RPH3A: variants seen among roughly 807,000 people sequenced by gnomAD.
RPH3A encodes the protein rabphilin 3A, also known as rabphilin-3A.
Under a neutral mutation model 102.2 loss-of-function variants are expected in RPH3A, and 48 were observed. The observed-to-expected ratio is 0.47, with a 90% CI of 0.37 to 0.60. The LOEUF (loss-of-function observed/expected upper bound fraction) is 0.60. Among genes scored for constraint, RPH3A ranks in the 20% least tolerant of loss-of-function variants. The pLI is 0.00. For missense variants in RPH3A, 781 were observed against 910.1 expected (o/e 0.86, Z 1.83); for synonymous variants, 310 against 324.3 (o/e 0.96, Z 0.47).
intron 1 of RPH3A, among the ~76,000 whole-genome samples, chr12:112,722,426 G>A (rs1275666844): frequency 2.0e-5 from 3 of 152,202 alleles, no homozygotes; most frequent in Non-Finnish European, 4.4e-5. Context: ...GATTTCATCT[G>A]TACATTCTAA....
intron 5 of RPH3A, among the ~76,000 whole-genome samples, chr12:112,856,548 G>A (rs906887960): frequency 3.3e-5 from 5 of 151,870 alleles, no homozygotes; most frequent in Non-Finnish European, 5.9e-5. Context: ...CTCTACAGGC[G>A]TGCCTGTGGA....
chr12:112,760,234 G>A (rs1565872460), intron 1 of RPH3A, among the ~76,000 whole-genome samples: 3 of 152,184 alleles, frequency 2.0e-5, no homozygotes, highest in African/African-American at 7.2e-5. Flanking sequence ...TGGAGACCCA[G>A]ATTTAAATCC....
At chr12:112,805,044 CA>C (rs1301967563) in intron 2 of RPH3A, among the ~76,000 whole-genome samples, 1 of 152,026 alleles carries the variant, frequency 6.6e-6, no homozygotes, top group Non-Finnish European at 1.5e-5. Flanking sequence ...AACAAACAAA[CA>C]AACAAACCTC....
chr12:112,868,701 C>T (rs1024077460), intron 8 of RPH3A, 106 bp downstream of exon 8: 22 of 1,279,038 alleles, frequency 1.7e-5, no homozygotes, highest in Non-Finnish European at 2.2e-5. Context: ...CCAGTTGTTG[C>T]ATGGTCAGCT....
At chr12:112,830,455 A>G (rs757900797) in intron 3 of RPH3A, among the ~76,000 whole-genome samples, 1 of 152,224 alleles carries the variant, frequency 6.6e-6, no homozygotes, top group Non-Finnish European at 1.5e-5. Flanking sequence ...ACCAGATCTT[A>G]GGATATGCTC....
chr12:112,761,332 G>A (rs1045605651), intron 1 of RPH3A, among the ~76,000 whole-genome samples: 1 of 152,204 alleles, frequency 6.6e-6, no homozygotes, highest in Non-Finnish European at 1.5e-5. Context: ...TCACATGCAC[G>A]TGCATTCTAA....
In RPH3A at chr12:112,723,968, A is replaced by G. The variant is rs149794208; in HGVS notation, c.-139-68175A>G. Among the ~76,000 whole-genome samples the G allele has an allele frequency of 1.8e-4, 27 of 152,028 alleles. No homozygotes were observed. The East Asian group carries it at 5.0e-3, about 28-fold the overall frequency. On this transcript the variant is annotated intron_variant, in intron 1 of 21. Coordinates refer to the RPH3A transcript ENST00000543106. ...TGTGTAATGGATTTGTGTATATTTTATGGTAACAAATGATAAAATACTCAA... is the reference window on the plus strand; with the variant it reads ...TGTGTAATGGATTTGTGTATATTTTGTGGTAACAAATGATAAAATACTCAA...
intron 1 of RPH3A, among the ~76,000 whole-genome samples, chr12:112,750,610 G>A (rs886899851): frequency 6.6e-6 from 1 of 152,136 alleles, no homozygotes; most frequent in Non-Finnish European, 1.5e-5. Flanking sequence ...GCAATGGTAA[G>A]GCCCAAGAGA....
chr12:112,604,294 C>G (rs2039578547), intron 1 of RPH3A, among the ~76,000 whole-genome samples: 1 of 152,136 alleles, frequency 6.6e-6, no homozygotes, highest in Non-Finnish European at 1.5e-5. Flanking sequence ...GAATCACCCC[C>G]TACCCACCTT....
At chr12:112,858,422 C>T (rs958317677) in intron 5 of RPH3A, among the ~76,000 whole-genome samples, 3 of 152,040 alleles carry the variant, frequency 2.0e-5, no homozygotes, top group Non-Finnish European at 1.5e-5. Flanking sequence ...CCTGCCATCT[C>T]TCCAGCCTCA....
chr12:112,656,144 C>T (rs1404256321), intron 1 of RPH3A, among the ~76,000 whole-genome samples: 4 of 152,124 alleles, frequency 2.6e-5, no homozygotes, highest in South Asian at 2.1e-4. Context: ...TCTTGGTAAA[C>T]ACAGATGTAT....
chr12:112,691,689 A>G (rs1023551270), intron 1 of RPH3A, among the ~76,000 whole-genome samples: 1 of 152,214 alleles, frequency 6.6e-6, no homozygotes, highest in African/African-American at 2.4e-5. Flanking sequence ...GAATAACTCT[A>G]CTTGCCTTAA....
At chr12:112,868,233 C>A (rs995794301) in intron 7 of RPH3A, 197 bp from the exon 8 acceptor site, 2 of 522,064 alleles carry the variant, frequency 3.8e-6, no homozygotes, top group Admixed American at 3.3e-5. Context: ...TAAACTGAAG[C>A]CCTTTCTACT....
chr12:112,848,603 A>T (rs2042271387), intron 5 of RPH3A, among the ~76,000 whole-genome samples: 1 of 152,182 alleles, frequency 6.6e-6, no homozygotes, highest in South Asian at 2.1e-4. Context: ...ACAGTTCCTG[A>T]CCCAGGCTCT....
intron 2 of RPH3A, among the ~76,000 whole-genome samples, chr12:112,796,506 A>G (rs1381660013): frequency 1.3e-5 from 2 of 152,182 alleles, no homozygotes; most frequent in Non-Finnish European, 2.9e-5. Context: ...TTACTAGCGA[A>G]CATGTCAGTT....
intron 1 of RPH3A, among the ~76,000 whole-genome samples, chr12:112,715,867 C>T (rs1238791891): frequency 6.6e-6 from 1 of 152,152 alleles, no homozygotes; most frequent in Admixed American, 6.5e-5. Context: ...GCTGGTTACC[C>T]ATTTTTGTGG....
intron 10 of RPH3A, among the ~76,000 whole-genome samples, chr12:112,871,440 T>A (rs913009647): frequency 5.9e-5 from 9 of 152,210 alleles, no homozygotes; most frequent in Non-Finnish European, 1.3e-4. Context: ...AGTAGAATAA[T>A]ACAGAATTTG....
At chr12:112,694,685 G>C (rs7298438) in intron 1 of RPH3A, among the ~76,000 whole-genome samples, 37,393 of 113,632 alleles carry the variant, frequency 0.33, 4,713 homozygotes, top group Non-Finnish European at 0.38. Context: ...CACACACACA[G>C]AGAGAGAGAG....
chr12:112,678,063 G>A (rs987709203), intron 1 of RPH3A, among the ~76,000 whole-genome samples: 3 of 151,676 alleles, frequency 2.0e-5, no homozygotes, highest in African/African-American at 7.3e-5. Flanking sequence ...CAGGCATGGT[G>A]GTGCATGCCT....
Sources: allele counts gnomAD v4.1 joint callset (sites outside exome capture counted in the v4.1 genomes callset), GRCh38; gene constraint gnomAD v4.1.1; transcripts MANE v1.5; gene names NCBI Gene and HGNC (gene_info 2026-07-23, HGNC 2026-07-21).